The following UVRAG variants were observed in gnomAD, a reference collection of about 807,000 sequenced individuals.
UVRAG encodes the protein UV radiation resistance-associated gene protein.
In UVRAG, 19 loss-of-function variants were observed where a neutral mutation model predicts 78.0. That is an observed-to-expected ratio of 0.24 (90% CI 0.17 to 0.36). The LOEUF (loss-of-function observed/expected upper bound fraction) is 0.36, where lower values mean the gene tolerates loss of function less well. Among genes scored for constraint, UVRAG ranks in the 10% least tolerant of loss-of-function variants. The pLI, the probability that UVRAG is intolerant of heterozygous loss-of-function variation, is 1.00. For synonymous variants in UVRAG, 323 were observed against 324.6 expected, an observed-to-expected ratio of 1.00 and a Z score of 0.05; for missense variants, 740 against 853.8, an observed-to-expected ratio of 0.87 and a Z score of 1.66.
At chr11:75,908,985 G>A (rs985890519) in intron 5 of UVRAG, among the ~76,000 whole-genome samples, 3 of 151,862 alleles carry the variant, frequency 2.0e-5, no homozygotes, top group Non-Finnish European at 2.9e-5. Flanking sequence ...TGGTAATAAC[G>A]TTCCCACTTC....
chr11:75,985,919 A>T (rs1353643903), intron 8 of UVRAG, among the ~76,000 whole-genome samples: 1 of 151,638 alleles, frequency 6.6e-6, no homozygotes, highest in East Asian at 1.9e-4. Context: ...TGCTGTTTTA[A>T]TTTTTTTCAT....
intron 13 of UVRAG, among the ~76,000 whole-genome samples, chr11:76,085,029 A>C (rs1327336356): frequency 1.4e-5 from 2 of 141,204 alleles, no homozygotes; most frequent in East Asian, 2.1e-4. Flanking sequence ...GCACCATTGC[A>C]CTCCAGCCTG....
At chr11:75,833,903 TCA>T (rs913720440) in intron 1 of UVRAG, among the ~76,000 whole-genome samples, 6 of 152,228 alleles carry the variant, frequency 3.9e-5, no homozygotes, top group Non-Finnish European at 7.3e-5. Context: ...TTCCTTGCCT[TCA>T]TTCCAGTAAA....
intron 3 of UVRAG, 24 bp from the exon 4 acceptor site, chr11:75,879,855 G>C (rs1423666726): frequency 6.2e-7 from 1 of 1,611,378 alleles, no homozygotes; most frequent in Non-Finnish European, 8.5e-7. Context: ...TTGTCCTAAA[G>C]CGTGTTTTCA....
In UVRAG at chr11:75,951,325, ATGTGTGTGTGTG is replaced by A. The variant is rs71036071; in HGVS notation, c.594-10095_594-10084del. ...TGAATGATTCTTTCTATAATCTGAA[ATGTGTGTGTGTG>A]TGTGTGTGTGTGTGTGTGTGTGTAT... is the stretch of plus-strand genomic sequence containing the variant. On this transcript the variant is annotated intron_variant, in intron 6 of 14. Transcript: ENST00000356136. 2.3e-3 allele frequency among the ~76,000 whole-genome samples: 341 copies of A among 149,592 alleles called. 1 individual carries two copies. Among genetic ancestry groups the A allele is most frequent in the East Asian group, 6.8e-3 (34 of 5,022 alleles).
chr11:76,080,464 T>A (rs1951475448), intron 13 of UVRAG, among the ~76,000 whole-genome samples: 1 of 152,040 alleles, frequency 6.6e-6, no homozygotes, highest in African/African-American at 2.4e-5. Context: ...CTTACCTTTT[T>A]ATTTATTTTT....
intron 5 of UVRAG, among the ~76,000 whole-genome samples, chr11:75,906,187 A>G (rs1488895821): frequency 2.0e-5 from 3 of 152,058 alleles, no homozygotes; most frequent in African/African-American, 7.2e-5. Context: ...TTGATGCACA[A>G]AAGTTTTTGA....
In UVRAG at chr11:76,093,384, A is replaced by G. The variant is rs548806982; in HGVS notation, c.1306-22540A>G. Among the ~76,000 whole-genome samples, 10 of 152,270 alleles carry G rather than the reference A, an allele frequency of 6.6e-5. No individual in the cohort carries two copies. The South Asian group carries it at 2.1e-3, about 32-fold the overall frequency. The stretch of plus-strand genomic sequence containing the variant: ...ATGAACTTTAAAGTAGTTTTGTCCA[A>G]TTCTGTGAAGAAAGTCATTGGTAGC... On this transcript the variant is annotated intron_variant, in intron 13 of 14. Transcript: ENST00000356136.
At chr11:75,841,278 T>C (rs2135841384) in intron 1 of UVRAG, among the ~76,000 whole-genome samples, 1 of 152,334 alleles carries the variant, frequency 6.6e-6, no homozygotes, top group Admixed American at 6.5e-5. Context: ...TGTGTTTATC[T>C]AAATCAGGGG....
intron 13 of UVRAG, among the ~76,000 whole-genome samples, chr11:76,112,259 C>G (rs761752385): frequency 4.6e-5 from 7 of 151,954 alleles, no homozygotes; most frequent in Non-Finnish European, 4.4e-5. Flanking sequence ...TCAGTCACCA[C>G]GTGAAAAGCT....
intron 1 of UVRAG, among the ~76,000 whole-genome samples, chr11:75,824,295 C>A (rs1446438640): frequency 6.6e-6 from 1 of 151,930 alleles, no homozygotes; most frequent in Non-Finnish European, 1.5e-5. Flanking sequence ...GCCTCAGAAA[C>A]TTAAGATATC....
chr11:75,868,622 C>T (rs187139572), intron 3 of UVRAG, among the ~76,000 whole-genome samples: 6 of 152,264 alleles, frequency 3.9e-5, no homozygotes, highest in African/African-American at 1.4e-4. Flanking sequence ...GCTGTGCCCT[C>T]CATATCATCT....
At chr11:75,986,625 A>T (rs1221637254) in intron 8 of UVRAG, among the ~76,000 whole-genome samples, 1 of 152,212 alleles carries the variant, frequency 6.6e-6, no homozygotes, top group African/African-American at 2.4e-5. Flanking sequence ...TTGAGATATA[A>T]TTCCCATACC....
rs561284039 is a variant in UVRAG, at chr11:76,044,815, A to G, written c.1227-20895A>G. 3.9e-5 allele frequency among the ~76,000 whole-genome samples: 6 copies of G among 152,316 alleles called. No homozygotes were observed. In the South Asian group the frequency reaches 1.0e-3, roughly 26 times the overall value. Reference sequence around the variant, plus strand: ...AGAAAGAAAAAAAATTTTAAAAAGCATAAGTAAGGAACAGGAGAGGCAACC... The same window carrying G: ...AGAAAGAAAAAAAATTTTAAAAAGCGTAAGTAAGGAACAGGAGAGGCAACC... On this transcript the variant is annotated intron_variant, in intron 12 of 14. Transcript: ENST00000356136.
chr11:76,129,067 C>T (rs976292432), intron 14 of UVRAG, among the ~76,000 whole-genome samples: 4 of 152,186 alleles, frequency 2.6e-5, no homozygotes, highest in Non-Finnish European at 4.4e-5. Context: ...ATTTACTCCT[C>T]ACACAGCCCT....
At chr11:76,056,305 A>G (rs1950984014) in intron 12 of UVRAG, among the ~76,000 whole-genome samples, 2 of 152,250 alleles carry the variant, frequency 1.3e-5, no homozygotes, top group Non-Finnish European at 2.9e-5. Flanking sequence ...GTTGCTGTGA[A>G]CATTTTTGTA....
chr11:75,865,796 G>GT (rs1946524824), intron 3 of UVRAG, among the ~76,000 whole-genome samples: 1 of 152,022 alleles, frequency 6.6e-6, no homozygotes, highest in African/African-American at 2.4e-5. Context: ...TGTATTTTTA[G>GT]TAGAGACAGG....
At chr11:75,914,080 G>C (rs1056173561) in intron 6 of UVRAG, 1 of 152,206 alleles carries the variant, frequency 6.6e-6, no homozygotes, top group African/African-American at 2.4e-5. Context: ...ACTGAACCCA[G>C]GGAGTTGTTC....
intron 7 of UVRAG, among the ~76,000 whole-genome samples, chr11:75,971,358 T>C (rs1003805159): frequency 6.6e-6 from 1 of 152,228 alleles, no homozygotes; most frequent in African/African-American, 2.4e-5. Flanking sequence ...CAGGTTAATA[T>C]ATAAGAGTAT....
Sources: gnomAD v4.1 joint callset for allele counts (sites outside exome capture counted in the v4.1 genomes callset) on GRCh38, gnomAD v4.1.1 for gene constraint, MANE v1.5 for transcripts, NCBI Gene and HGNC (gene_info 2026-07-23, HGNC 2026-07-21) for gene names.